The following MTMR2 variants were observed in gnomAD, a reference collection of about 807,000 sequenced individuals.
The protein encoded by MTMR2 is phosphatidylinositol-3,5-bisphosphate 3-phosphatase MTMR2.
A neutral mutation model predicts 86.9 loss-of-function variants in MTMR2; 55 were observed. That is an observed-to-expected ratio of 0.63 (90% CI 0.51 to 0.79). The LOEUF (loss-of-function observed/expected upper bound fraction) is 0.79, where lower values mean the gene tolerates loss of function less well. Among genes scored for constraint, MTMR2 ranks in the 30% least tolerant of loss-of-function variants. The pLI is 0.00. For synonymous variants in MTMR2, 241 were observed against 266.8 expected (o/e 0.90, Z 0.94); for missense variants, 659 against 772.3 (o/e 0.85, Z 1.74).
chr11:95,837,992 C>A (rs1565343910), intron 13 of MTMR2, 102 bp downstream of exon 13: 2 of 765,786 alleles, frequency 2.6e-6, no homozygotes, highest in East Asian at 2.6e-5. Context: ...TAAAGTATGA[C>A]CCAAAAGAAT....
At chr11:95,881,203 C>T (rs1017011037) in intron 2 of MTMR2, among the ~76,000 whole-genome samples, 10 of 151,832 alleles carry the variant, frequency 6.6e-5, no homozygotes, top group African/African-American at 2.4e-4. Flanking sequence ...ATTTGTTATA[C>T]ATCTGTCATA....
intron 2 of MTMR2, among the ~76,000 whole-genome samples, chr11:95,875,321 C>G (rs1865065285): frequency 6.6e-6 from 1 of 152,114 alleles, no homozygotes; most frequent in Admixed American, 6.6e-5. Context: ...CTCTAAACTT[C>G]TCTTCTCGCT....
chr11:95,903,574 AT>A (rs1437153037), intron 1 of MTMR2, among the ~76,000 whole-genome samples: 1 of 152,006 alleles, frequency 6.6e-6, no homozygotes, highest in Non-Finnish European at 1.5e-5. Flanking sequence ...ATTACACAAC[AT>A]TTCTCTAGTT....
At chr11:95,918,190 A>C (rs576501841) in intron 1 of MTMR2, among the ~76,000 whole-genome samples, 2 of 152,340 alleles carry the variant, frequency 1.3e-5, no homozygotes, top group East Asian at 3.9e-4. Context: ...ACCAATTAGC[A>C]AAAGATCCAA....
chr11:95,896,460 T>C (rs1470398635), intron 1 of MTMR2, among the ~76,000 whole-genome samples: 1 of 151,864 alleles, frequency 6.6e-6, no homozygotes, highest in Non-Finnish European at 1.5e-5. Context: ...GAATTACAGA[T>C]GCAAGACACC....
intron 2 of MTMR2, among the ~76,000 whole-genome samples, chr11:95,876,515 G>C (rs1317195358): frequency 1.3e-5 from 2 of 152,172 alleles, no homozygotes; most frequent in African/African-American, 2.4e-5. Flanking sequence ...AACCCTGCCT[G>C]ACTCTGGAGC....
chr11:95,918,475 C>G (rs1292801927), intron 1 of MTMR2, among the ~76,000 whole-genome samples: 1 of 152,174 alleles, frequency 6.6e-6, no homozygotes, highest in Non-Finnish European at 1.5e-5. Context: ...GGTTCACTAT[C>G]AACTTGCATT....
intron 10 of MTMR2, among the ~76,000 whole-genome samples, chr11:95,846,567 T>C (rs1202425893): frequency 6.6e-6 from 1 of 152,168 alleles, no homozygotes; most frequent in Non-Finnish European, 1.5e-5. Flanking sequence ...ATTGAGTAAA[T>C]AAACTTTCTT....
chr11:95,886,357 G>T (rs954792154), intron 2 of MTMR2, among the ~76,000 whole-genome samples: 6 of 152,182 alleles, frequency 3.9e-5, no homozygotes, highest in African/African-American at 1.4e-4. Context: ...AGAAAAAGTA[G>T]CAAACCTTAA....
chr11:95,910,127 G>GCGCACA (rs141671748), intron 1 of MTMR2, among the ~76,000 whole-genome samples: 4 of 147,264 alleles, frequency 2.7e-5, no homozygotes, highest in Middle Eastern at 3.4e-3. Context: ...ACGCATGCAC[G>GCGCACA]CACACACACA....
intron 2 of MTMR2, among the ~76,000 whole-genome samples, chr11:95,882,762 G>T (rs577343128): frequency 6.9e-6 from 1 of 145,732 alleles, no homozygotes; most frequent in Non-Finnish European, 1.5e-5. Flanking sequence ...TCACTCTGTC[G>T]CCCAGGCTGG....
At chr11:95,871,910 T>C (rs571456187) in intron 2 of MTMR2, among the ~76,000 whole-genome samples, 3 of 152,314 alleles carry the variant, frequency 2.0e-5, no homozygotes, top group African/African-American at 7.2e-5. Flanking sequence ...TTAATTTTTG[T>C]ATAAGGTGTA....
intron 2 of MTMR2, among the ~76,000 whole-genome samples, chr11:95,868,699 T>C (rs1182360231): frequency 2.6e-5 from 4 of 152,092 alleles, no homozygotes; most frequent in African/African-American, 7.2e-5. Context: ...CCTAGTTGCA[T>C]CTTGGCAAAT....
At position 95,877,332 on chromosome 11, in the gene MTMR2, C is replaced by CTTT. The variant is rs764782930; in HGVS notation, c.186+10821_186+10823dup. On this transcript the variant is annotated intron_variant, in intron 2 of 14. Coordinates refer to ENST00000346299, the MANE Select transcript of MTMR2 (RefSeq NM_016156.6). ...ATTCAAGATCAAGCACAGGGAAGCC[C>CTTT]TTTTTTTTTTTTTTTTTTTTTTTTT... 1.6e-3 allele frequency among the ~76,000 whole-genome samples: 171 copies of CTTT among 106,234 alleles called. 1 individual carries two copies. Among genetic ancestry groups the CTTT allele is most frequent in the Non-Finnish European group, 2.7e-3 (145 of 53,602 alleles). 69.7% of individuals were successfully genotyped at this position (106,234 alleles called of 152,430 possible). A position where few individuals can be genotyped will look rare whatever the true frequency, so the allele number is the denominator to read the frequency against.
chr11:95,886,673 G>A (rs900766204), intron 2 of MTMR2, among the ~76,000 whole-genome samples: 4 of 152,146 alleles, frequency 2.6e-5, no homozygotes, highest in Admixed American at 2.6e-4. Flanking sequence ...AGTAGCATAA[G>A]TGACATCCCT....
chr11:95,903,949 C>A (rs564161159), intron 1 of MTMR2, among the ~76,000 whole-genome samples: 1 of 152,126 alleles, frequency 6.6e-6, no homozygotes, highest in African/African-American at 2.4e-5. Flanking sequence ...CTCGTCTCTA[C>A]TAAAAATACA....
chr11:95,835,784 C>T (rs1863244724), intron 14 of MTMR2, among the ~76,000 whole-genome samples: 1 of 152,056 alleles, frequency 6.6e-6, no homozygotes, highest in Non-Finnish European at 1.5e-5. Context: ...TTAAACAGTT[C>T]TAAGTAGTTA....
In MTMR2 at chr11:95,888,153, TAC is replaced by T. The variant is rs1865579044; in HGVS notation, c.186+1_186+2del. ...CATCAGAACTTTAAAATAGTATACA[TAC>T]CCTCAAATCAGGAGAAAAGTTGTCG... On this transcript the variant is annotated splice_donor_variant, in intron 2 of 14. Transcript: ENST00000346299. LOFTEE classifies it high-confidence loss of function. The T allele has an allele frequency of 1.9e-6, 3 of 1,578,186 alleles. No homozygotes were observed. The highest frequency in any genetic ancestry group is 2.6e-6 in the Non-Finnish European group (3 of 1,150,938).
intron 2 of MTMR2, among the ~76,000 whole-genome samples, chr11:95,878,397 C>T (rs1418717344): frequency 6.6e-6 from 1 of 151,718 alleles, no homozygotes. Flanking sequence ...TCAAAACCCG[C>T]AGAATGTACA....
Sources: allele counts gnomAD v4.1 joint callset (sites outside exome capture counted in the v4.1 genomes callset), GRCh38; gene constraint gnomAD v4.1.1; transcripts MANE v1.5; gene names NCBI Gene and HGNC (gene_info 2026-07-23, HGNC 2026-07-21).